PRDM16: variants seen among roughly 807,000 people sequenced by gnomAD.
PRDM16 encodes the protein histone-lysine N-methyltransferase PRDM16.
In PRDM16, 23 loss-of-function variants were observed where a neutral mutation model predicts 110.6. That is an observed-to-expected ratio of 0.21 (90% confidence interval 0.15 to 0.29). The LOEUF (loss-of-function observed/expected upper bound fraction) is 0.29. PRDM16 is among the 10% of genes least tolerant of loss of function. The probability of loss-of-function intolerance (pLI) is 1.00; values close to 1 mark genes in which losing one functional copy is unlikely to be tolerated. For synonymous variants in PRDM16, 799 were observed against 781.8 expected, an observed-to-expected ratio of 1.02 and a Z score of -0.37; for missense variants, 1,615 against 1,794.3, an observed-to-expected ratio of 0.90 and a Z score of 1.81.
intron 2 of PRDM16, among the ~76,000 whole-genome samples, chr1:3,227,602 C>T (rs1244413951): frequency 6.6e-6 from 1 of 152,236 alleles, no homozygotes; most frequent in African/African-American, 2.4e-5. Context: ...GAATCAGGAC[C>T]CGTGGGCCCC....
intron 3 of PRDM16, among the ~76,000 whole-genome samples, chr1:3,378,298 G>A (rs917237726): frequency 1.3e-5 from 2 of 152,212 alleles, no homozygotes; most frequent in Non-Finnish European, 2.9e-5. Context: ...CACCAAGCTG[G>A]GGAGTGGTGG....
At chr1:3,352,802 A>T (rs977295638) in intron 3 of PRDM16, among the ~76,000 whole-genome samples, 1 of 151,632 alleles carries the variant, frequency 6.6e-6, no homozygotes, top group African/African-American at 2.4e-5. Flanking sequence ...CCCCCAACTC[A>T]TCCCCCTCCC....
intron 1 of PRDM16, among the ~76,000 whole-genome samples, chr1:3,073,896 A>G (rs1453678454): frequency 1.3e-5 from 2 of 151,902 alleles, no homozygotes; most frequent in Non-Finnish European, 1.5e-5. Flanking sequence ...CGCGTCCCCA[A>G]CCGCCGACCC....
chr1:3,340,773 C>T lies in PRDM16; in HGVS notation c.439-44379C>T, dbSNP rs184232448. On this transcript the variant is annotated intron_variant, in intron 3 of 16. Coordinates refer to ENST00000270722, the MANE Select transcript of PRDM16 (RefSeq NM_022114.4). The stretch of plus-strand genomic sequence containing the variant: ...AGGCCATCTAGATGAACAACGGCCT[C>T]TTTATGAAATTAACAGCCAAAATGG... 4.6e-4 allele frequency among the ~76,000 whole-genome samples: 70 copies of T among 152,314 alleles called. No individual in the cohort carries two copies. In the East Asian group the frequency reaches 0.013, roughly 28 times the overall value.
intron 1 of PRDM16, among the ~76,000 whole-genome samples, chr1:3,120,165 A>C (rs1643063114): frequency 6.6e-6 from 1 of 152,084 alleles, no homozygotes; most frequent in South Asian, 2.1e-4. Context: ...CAGAGTTATC[A>C]GTTCGCAGCT....
chr1:3,083,404 C>T (rs562089429), intron 1 of PRDM16, among the ~76,000 whole-genome samples: 5 of 152,212 alleles, frequency 3.3e-5, no homozygotes, highest in African/African-American at 1.2e-4. Context: ...GTGTGCCGGG[C>T]GGGCAGATCG....
intron 11 of PRDM16, 59 bp from the exon 12 acceptor site, chr1:3,418,608 A>C: frequency 7.1e-6 from 8 of 1,128,888 alleles, no homozygotes; most frequent in South Asian, 1.3e-5. Flanking sequence ...ATTTCTGGGA[A>C]ATGGCCATGT....
Position 3,417,933 on chromosome 1 carries a change from C to T in PRDM16, c.2797C>T (p.Arg933Trp), listed in dbSNP as rs371460126. The change falls in exon 11 of 17, where the codon CGG becomes TGG. Residue 933 changes from arginine to tryptophan, a missense_variant. Physicochemically the swap from Arg to Trp is moderately radical, Grantham distance 101. This residue lies in a region of PRDM16 where 772 missense variants were observed against 748.3 expected (regional missense o/e 1.03). Coordinates refer to ENST00000270722, the MANE Select transcript of PRDM16 (RefSeq NM_022114.4). ...QPLPHHPFNFRSPPPTLSDPI... is the reference protein window; with the variant it reads ...QPLPHHPFNFWSPPPTLSDPI... ...CCTCCCCCACCACCCCTTCAACTTC[C>T]GGTCCCCACCCCCAACGCTCTCCGA... 122 of 1,612,796 alleles carry T rather than the reference C, an allele frequency of 7.6e-5. 1 individual carries two copies. The highest frequency in any genetic ancestry group is 1.1e-4 in the African/African-American group (8 of 74,932).
At position 3,435,124 on chromosome 1, in the gene PRDM16, G is replaced by A. The variant is rs1253179297; in HGVS notation, c.*1313G>A. On this transcript the variant is annotated 3_prime_UTR_variant, in exon 17 of 17. Transcript: ENST00000270722. ...CCCAGCCGCCTCCCTCTCTTGGGAC[G>A]CAACTTCTTCCCCACTCGGATGGGC... The A allele has an allele frequency of 2.2e-5, 5 of 226,816 alleles. No homozygotes were observed. The highest frequency in any genetic ancestry group is 6.3e-5 in the East Asian group (1 of 15,830). 14.1% of individuals were successfully genotyped at this position (226,816 alleles called of 1,614,324 possible).
In PRDM16 at chr1:3,246,948, C is replaced by G. The variant is rs1037506373; in HGVS notation, c.438+2811C>G. ...CCAGACGGAGACCCCACCCTGCAAA[C>G]AAATGCGCCACTTAGAGCTGTTGGT... On this transcript the variant is annotated intron_variant, in intron 3 of 16. Transcript: ENST00000270722. This position sits in a 1 kb window ranked among gnomAD's most constrained non-coding sequence, Gnocchi z 5.2. 1.8e-4 allele frequency among the ~76,000 whole-genome samples: 28 copies of G among 152,178 alleles called. No individual in the cohort carries two copies. The highest frequency in any genetic ancestry group is 3.2e-3 in the Middle Eastern group (1 of 316).
At chr1:3,091,100 C>T (rs1480117996) in intron 1 of PRDM16, among the ~76,000 whole-genome samples, 9 of 152,186 alleles carry the variant, frequency 5.9e-5, no homozygotes, top group African/African-American at 1.9e-4. Context: ...AATGCCAAGG[C>T]GCCATGAAGA....
intron 3 of PRDM16, among the ~76,000 whole-genome samples, chr1:3,305,386 G>T (rs1357669307): frequency 5.3e-5 from 8 of 152,146 alleles, no homozygotes. Context: ...AGGTGCCCAG[G>T]CCCCGCCTCG....
chr1:3,217,803 G>A (rs1160043184), intron 2 of PRDM16, among the ~76,000 whole-genome samples: 2 of 152,232 alleles, frequency 1.3e-5, no homozygotes, highest in East Asian at 3.9e-4. Context: ...GGGCTGGCTG[G>A]GACGCGCGCT....
intron 3 of PRDM16, among the ~76,000 whole-genome samples, chr1:3,346,611 G>A (rs948268755): frequency 1.1e-4 from 16 of 151,992 alleles, no homozygotes; most frequent in African/African-American, 3.9e-4. Context: ...CTCCACCTGC[G>A]AGCCTCTCGA....
In PRDM16 at chr1:3,425,075, CT is replaced by C. The variant is rs34261616; in HGVS notation, c.2940-486del. ...CAGTAGGAGGGTGAACGCCTGCTTG[CT>C]TTTTTTTTTTTTTTTTTTTGAGATG... On this transcript the variant is annotated intron_variant, in intron 12 of 16. Coordinates refer to ENST00000270722, the MANE Select transcript of PRDM16 (RefSeq NM_022114.4). This position sits in a 1 kb window ranked among gnomAD's most constrained non-coding sequence, Gnocchi z 6.9. 258 of 123,072 alleles carry C rather than the reference CT, an allele frequency of 2.1e-3. No individual in the cohort carries two copies. The highest frequency in any genetic ancestry group is 6.4e-3 in the South Asian group (23 of 3,566). The allele number at this position is 123,072 out of a possible 1,614,324, so 7.6% of individuals were successfully genotyped here. A position where few individuals can be genotyped will look rare whatever the true frequency, so the allele number is the denominator to read the frequency against.
At chr1:3,228,505 G>A (rs1181233899) in intron 2 of PRDM16, among the ~76,000 whole-genome samples, 1 of 152,212 alleles carries the variant, frequency 6.6e-6, no homozygotes, top group Admixed American at 6.5e-5. Flanking sequence ...GGAGCTCTGG[G>A]CCAGCCCCAG....
At chr1:3,401,258 C>G (rs1242930891) in intron 5 of PRDM16, among the ~76,000 whole-genome samples, 1 of 152,180 alleles carries the variant, frequency 6.6e-6, no homozygotes, top group Middle Eastern at 3.2e-3. Context: ...GTGGTGGTCT[C>G]TCTGACACAG....
chr1:3,242,744 G>C (rs762773805), intron 2 of PRDM16, among the ~76,000 whole-genome samples: 3 of 152,246 alleles, frequency 2.0e-5, no homozygotes, highest in Admixed American at 6.5e-5. Context: ...GCTGTGCTCC[G>C]TCCTTAGGAT....
intron 2 of PRDM16, among the ~76,000 whole-genome samples, chr1:3,231,644 G>A (rs377337727): frequency 1.1e-4 from 16 of 152,258 alleles, no homozygotes; most frequent in South Asian, 2.1e-4. Context: ...GGAACATTCC[G>A]TGTTGGTCAG....
Sources: allele counts gnomAD v4.1 joint callset (sites outside exome capture counted in the v4.1 genomes callset), GRCh38; gene constraint gnomAD v4.1.1; regional missense constraint gnomAD v4.1.1; non-coding constraint Gnocchi (gnomAD v3.1); transcripts MANE v1.5; gene names NCBI Gene and HGNC (gene_info 2026-07-23, HGNC 2026-07-21).